The following SND1 variants were observed in gnomAD, a reference collection of about 807,000 sequenced individuals.
SND1 encodes staphylococcal nuclease domain-containing protein 1.
Under a neutral mutation model 121.7 loss-of-function variants are expected in SND1, and 38 were observed. That is an observed-to-expected ratio of 0.31 (90% CI 0.24 to 0.41). SND1 has a LOEUF of 0.41. Ranked by LOEUF, SND1 falls within the 10% of genes least tolerant of loss-of-function variation. The pLI is 1.00. For missense variants in SND1, 868 were observed against 1,184.6 expected (o/e 0.73, Z 3.92); for synonymous variants, 401 against 447.4 (o/e 0.90, Z 1.31).
At chr7:127,704,391 C>A (rs1248055195) in intron 7 of SND1, among the ~76,000 whole-genome samples, 1 of 152,270 alleles carries the variant, frequency 6.6e-6, no homozygotes, top group South Asian at 2.1e-4. Context: ...AATTTTAATT[C>A]ACTGGGCAAA....
intron 12 of SND1, 135 bp downstream of exon 12, chr7:127,844,559 CT>C: frequency 1.6e-6 from 1 of 615,532 alleles, no homozygotes; most frequent in Non-Finnish European, 2.8e-6. Context: ...AATTTTGTGC[CT>C]GTGTAGCACT....
chr7:127,768,917 G>T (rs1036759305), intron 10 of SND1, among the ~76,000 whole-genome samples: 2 of 152,144 alleles, frequency 1.3e-5, no homozygotes, highest in African/African-American at 4.8e-5. Flanking sequence ...GAGGGGACAG[G>T]GCTGGATGGA....
At chr7:127,703,498 A>G (rs1796139600) in intron 7 of SND1, among the ~76,000 whole-genome samples, 175 bp downstream of exon 7, 3 of 152,182 alleles carry the variant, frequency 2.0e-5, no homozygotes, top group Admixed American at 2.0e-4. Context: ...TGGATCACGA[A>G]GTTAGGAGAT....
At chr7:127,805,737 A>G (rs1798224799) in intron 10 of SND1, among the ~76,000 whole-genome samples, 1 of 152,172 alleles carries the variant, frequency 6.6e-6, no homozygotes, top group Non-Finnish European at 1.5e-5. Context: ...AAAAAATGTA[A>G]TATCTGCTTT....
At chr7:128,006,205 C>T (rs1406824670) in intron 16 of SND1, among the ~76,000 whole-genome samples, 1 of 152,000 alleles carries the variant, frequency 6.6e-6, no homozygotes, top group Non-Finnish European at 1.5e-5. Context: ...TTTTTCTGCC[C>T]TAGAGAAACA....
chr7:127,658,185 C>T (rs555753249), intron 1 of SND1, among the ~76,000 whole-genome samples: 8 of 152,148 alleles, frequency 5.3e-5, no homozygotes, highest in South Asian at 2.1e-4. Context: ...CATGGTGGCG[C>T]GCGCCTGTAG....
chr7:128,034,115 CCT>C lies in SND1; in HGVS notation c.1780-40386_1780-40385del, dbSNP rs372517151. 2.5e-3 allele frequency among the ~76,000 whole-genome samples: 387 copies of C among 152,266 alleles called. 3 individuals carry two copies. The highest frequency in any genetic ancestry group is 9.1e-3 in the African/African-American group (379 of 41,538). Reference sequence around the variant, plus strand: ...CAGCCTTTCCATCCAGCCTTCAAACCCTGAGTCCGATGTTTTCATCACTAACA... The same window carrying C: ...CAGCCTTTCCATCCAGCCTTCAAACCGAGTCCGATGTTTTCATCACTAACA... On this transcript the variant is annotated intron_variant, in intron 16 of 23. Coordinates refer to ENST00000354725, the MANE Select transcript of SND1 (RefSeq NM_014390.4).
intron 16 of SND1, among the ~76,000 whole-genome samples, chr7:128,017,427 G>T (rs889986191): frequency 5.9e-5 from 9 of 152,188 alleles, no homozygotes; most frequent in African/African-American, 2.2e-4. Flanking sequence ...TTTTCCTGTT[G>T]TCCCAGTACA....
intron 9 of SND1, among the ~76,000 whole-genome samples, chr7:127,720,241 G>T (rs939824231): frequency 7.2e-5 from 11 of 152,138 alleles, no homozygotes; most frequent in African/African-American, 2.7e-4. Context: ...TTGCCAGTCC[G>T]CCCTTGCTGT....
intron 10 of SND1, among the ~76,000 whole-genome samples, chr7:127,784,240 A>T (rs1475275799): frequency 6.6e-6 from 1 of 152,130 alleles, no homozygotes; most frequent in East Asian, 1.9e-4. Context: ...TTCAGATCAC[A>T]TCACTTCCCT....
At chr7:127,895,949 G>C (rs1352421376) in intron 13 of SND1, among the ~76,000 whole-genome samples, 2 of 152,140 alleles carry the variant, frequency 1.3e-5, no homozygotes, top group Non-Finnish European at 2.9e-5. Flanking sequence ...TATGATTCAT[G>C]AGGGGCTGGG....
chr7:127,857,183 C>CTTTTTT lies in SND1; in HGVS notation c.1343+12781_1343+12786dup, dbSNP rs71522259. Among the ~76,000 whole-genome samples the CTTTTTT allele has an allele frequency of 2.2e-4, 15 of 67,944 alleles. 3 individuals carry two copies. Among genetic ancestry groups the CTTTTTT allele is most frequent in the Non-Finnish European group, 3.6e-4 (12 of 33,766 alleles). The allele number at this position is 67,944 out of a possible 152,430, so 44.6% of individuals were successfully genotyped here. A position where few individuals can be genotyped will look rare whatever the true frequency, so the allele number is the denominator to read the frequency against. ...CCAATTCTTAGGAAAAATGTCAACA[C>CTTTTTT]TTTTTTTTTTTTTTTTTTTTTTTTT... is the stretch of plus-strand genomic sequence containing the variant. On this transcript the variant is annotated intron_variant, in intron 12 of 23. Transcript: ENST00000354725.
At chr7:128,030,275 C>T in intron 16 of SND1, 2 of 1,612,600 alleles carry the variant, frequency 1.2e-6, no homozygotes, top group Non-Finnish European at 1.7e-6. Flanking sequence ...TGAGGCTGGC[C>T]AGGCCGTTGA....
At chr7:128,076,299 C>A (rs180895669) in intron 17 of SND1, among the ~76,000 whole-genome samples, 2 of 152,342 alleles carry the variant, frequency 1.3e-5, no homozygotes, top group Non-Finnish European at 2.9e-5. Flanking sequence ...CACCATTTTG[C>A]TGGTGCCACT....
intron 16 of SND1, among the ~76,000 whole-genome samples, chr7:128,032,686 CGTTCGGA>C (rs1792664076): frequency 6.6e-6 from 1 of 152,166 alleles, no homozygotes; most frequent in Non-Finnish European, 1.5e-5. Context: ...CGCGGACTCG[CGTTCGGA>C]GTTCGGAACT....
At chr7:127,808,803 A>G (rs950266468) in intron 11 of SND1, among the ~76,000 whole-genome samples, 1 of 152,188 alleles carries the variant, frequency 6.6e-6, no homozygotes, top group Admixed American at 6.5e-5. Flanking sequence ...TATCTGATCT[A>G]ATGTCTGACA....
Position 127,836,867 on chromosome 7 carries a change from G to A in SND1, c.1243-7457G>A, listed in dbSNP as rs191981726. ...AAATTCAGCTATTGAATTGGTAGAA[G>A]GAACTGAAAAATACCTTCACCAAAC... On this transcript the variant is annotated intron_variant, in intron 11 of 23. Coordinates refer to ENST00000354725, the MANE Select transcript of SND1 (RefSeq NM_014390.4). 7.9e-5 allele frequency among the ~76,000 whole-genome samples: 12 copies of A among 152,144 alleles called. No individual in the cohort carries two copies. In the East Asian group the frequency reaches 1.9e-3, roughly 24 times the overall value.
chr7:127,721,219 G>A, intron 9 of SND1, 68 bp from the exon 10 acceptor site: 1 of 996,840 alleles, frequency 1.0e-6, no homozygotes, highest in Non-Finnish European at 1.6e-6. Context: ...GAGGGTGGTG[G>A]GCCTTGCTCT....
intron 10 of SND1, among the ~76,000 whole-genome samples, chr7:127,730,918 G>A (rs756287588): frequency 1.3e-5 from 2 of 152,238 alleles, no homozygotes; most frequent in East Asian, 1.9e-4. Context: ...TACTGGGAAC[G>A]CGGGACTTTT....
Sources: allele counts gnomAD v4.1 joint callset (sites outside exome capture counted in the v4.1 genomes callset), GRCh38; gene constraint gnomAD v4.1.1; transcripts MANE v1.5; gene names NCBI Gene and HGNC (gene_info 2026-07-23, HGNC 2026-07-21).